The following ROS1 variants were observed in gnomAD, a reference collection of about 807,000 sequenced individuals.
ROS1 encodes the protein ROS proto-oncogene 1, receptor tyrosine kinase, also known as proto-oncogene tyrosine-protein kinase ROS.
Under a neutral mutation model 273.5 loss-of-function variants are expected in ROS1, and 263 were observed. The observed-to-expected ratio is 0.96, with a 90% CI of 0.87 to 1.06. The LOEUF is 1.06. Among genes scored for constraint, ROS1 ranks in the 50% least tolerant of loss-of-function variants. The probability of loss-of-function intolerance (pLI) is 0.00; values close to 1 mark genes in which losing one functional copy is unlikely to be tolerated. For missense variants in ROS1, 2,833 were observed against 2,751.1 expected, an observed-to-expected ratio of 1.03 and a Z score of -0.67; for synonymous variants, 1,008 against 954.1, an observed-to-expected ratio of 1.06 and a Z score of -1.04.
At chr6:117,310,604 C>A (rs927339164) in intron 40 of ROS1, among the ~76,000 whole-genome samples, 6 of 152,060 alleles carry the variant, frequency 3.9e-5, no homozygotes, top group African/African-American at 9.7e-5. Context: ...CATGTGTTCT[C>A]ATTGTTCAAC....
intron 18 of ROS1, among the ~76,000 whole-genome samples, chr6:117,369,349 G>A (rs1324906440): frequency 2.0e-5 from 3 of 152,102 alleles, no homozygotes; most frequent in Non-Finnish European, 4.4e-5. Context: ...GATGCTCGAG[G>A]AGCTAGACTC....
chr6:117,398,248 C>T (rs1259984355), intron 7 of ROS1, among the ~76,000 whole-genome samples: 2 of 151,458 alleles, frequency 1.3e-5, no homozygotes, highest in African/African-American at 2.4e-5. Flanking sequence ...TGGCAAGATG[C>T]GATCATTGTC....
chr6:117,300,216 G>T (rs1381084171), intron 43 of ROS1, among the ~76,000 whole-genome samples: 1 of 149,144 alleles, frequency 6.7e-6, no homozygotes, highest in African/African-American at 2.5e-5. Flanking sequence ...CTCCCAAACT[G>T]CTGGGATTAC....
chr6:117,379,223 G>A (rs1771914846), intron 17 of ROS1, 64 bp from the exon 18 acceptor site: 2 of 947,426 alleles, frequency 2.1e-6, no homozygotes, highest in Non-Finnish European at 3.4e-6. Context: ...TTTGTGAACA[G>A]GTCACACTTA....
chr6:117,317,990 T>C (rs499199), intron 38 of ROS1, among the ~76,000 whole-genome samples, 198 bp downstream of exon 38: 14,414 of 152,192 alleles, frequency 0.095, 874 homozygotes, highest in Middle Eastern at 0.14. Context: ...GAACCTTTTG[T>C]CTGAGGATTG....
At chr6:117,305,766 G>A (rs1775052769) in intron 42 of ROS1, among the ~76,000 whole-genome samples, 1 of 152,074 alleles carries the variant, frequency 6.6e-6, no homozygotes, top group Non-Finnish European at 1.5e-5. Flanking sequence ...CTATAGTCTT[G>A]GCATGGAGGA....
At chr6:117,324,235 A>G (rs2128574493) in intron 35 of ROS1, 97 bp downstream of exon 35, 1 of 681,880 alleles carries the variant, frequency 1.5e-6, no homozygotes, top group South Asian at 1.7e-5. Flanking sequence ...ATCAGGCAAT[A>G]TTTCATGTGG....
At chr6:117,347,400 A>T (rs73566821) in intron 27 of ROS1, among the ~76,000 whole-genome samples, 16,645 of 152,048 alleles carry the variant, frequency 0.11, 956 homozygotes, top group Middle Eastern at 0.15. Context: ...GATTGAGTTT[A>T]GTATATTAAC....
chr6:117,379,168 AAAGT>A lies in ROS1; in HGVS notation c.2482-13_2482-10del, dbSNP rs1562337612. The stretch of plus-strand genomic sequence containing the variant: ...AAAGTTAGAGCAATTACCTAAGTAG[AAAGT>A]AAGGTAAGAAAATAAACCAAATACA... On this transcript the variant is annotated splice_polypyrimidine_tract_variant and intron_variant, in intron 17 of 43. Coordinates refer to ENST00000368507, the MANE Select transcript of ROS1 (RefSeq NM_001378902.1). The A allele has an allele frequency of 6.4e-7, 1 of 1,553,202 alleles. No homozygotes were observed. Among genetic ancestry groups the A allele is most frequent in the Non-Finnish European group, 8.9e-7 (1 of 1,125,710 alleles).
intron 5 of ROS1, among the ~76,000 whole-genome samples, chr6:117,409,251 C>G (rs12179788): frequency 6.6e-6 from 1 of 151,318 alleles, no homozygotes; most frequent in African/African-American, 2.4e-5. Flanking sequence ...AGAAAAAAAA[C>G]TGGCATTCTC....
At chr6:117,327,057 T>C (rs1025810770) in intron 33 of ROS1, among the ~76,000 whole-genome samples, 3 of 152,206 alleles carry the variant, frequency 2.0e-5, no homozygotes, top group Non-Finnish European at 4.4e-5. Flanking sequence ...GGTCTTCCAT[T>C]ATGTCTTCTC....
Position 117,397,015 on chromosome 6 carries a change from C to A in ROS1, c.706G>T (p.Gly236Cys). Residue 236 changes from glycine to cysteine, a missense_variant, in exon 8 of 44, where the codon GGT (glycine) becomes TGT (cysteine). By Grantham distance (159) the Gly-to-Cys change is radical. Coordinates refer to ENST00000368507, the MANE Select transcript of ROS1 (RefSeq NM_001378902.1). ...TTGCTGATCAGCCTTAAGTTATAAC[C>A]CAAAATAGGTCCACCTGGGAATTGA... ...PPQFPGGPIL[G>C]YNLRLISKNQ... The A allele has an allele frequency of 6.2e-7, 1 of 1,613,758 alleles. No individual in the cohort carries two copies. Among genetic ancestry groups the A allele is most frequent in the East Asian group, 2.2e-5 (1 of 44,878 alleles).
rs541492356 is a variant in ROS1, at chr6:117,308,859, A to G, written c.6486T>C (p.Leu2162=). 1 of 1,613,490 alleles carries G rather than the reference A, an allele frequency of 6.2e-7. No homozygotes were observed. The highest frequency in any genetic ancestry group is 1.3e-5 in the African/African-American group (1 of 75,012). The change falls in exon 42 of 44, where the codon CTT becomes CTC. Residue 2162 remains leucine, a synonymous_variant. Transcript: ENST00000368507. ...GHQPYPAHSN[L]DVLNYVQTGG... ...CTGTTTGCACATAGTTTAACACATC[A>G]AGGTTGGAATGAGCTGGATAAGGCT...
intron 43 of ROS1, among the ~76,000 whole-genome samples, chr6:117,291,102 T>A (rs1773805264): frequency 6.6e-6 from 1 of 152,218 alleles, no homozygotes; most frequent in Admixed American, 6.5e-5. Flanking sequence ...TCTTGCTCAG[T>A]CACAAACTCA....
chr6:117,332,248 A>C (rs1439309446), intron 32 of ROS1, among the ~76,000 whole-genome samples: 1 of 152,188 alleles, frequency 6.6e-6, no homozygotes, highest in East Asian at 1.9e-4. Context: ...TAGACAAAGA[A>C]GGGCATTATA....
Position 117,383,493 on chromosome 6 carries a change from C to T in ROS1, c.2305G>A (p.Val769Met), listed in dbSNP as rs2128693078. The T allele has an allele frequency of 6.2e-7, 1 of 1,613,878 alleles. No homozygotes were observed. Residue 769 changes from valine to methionine, a missense_variant, in exon 17 of 44, where the codon GTG becomes ATG. Transcript: ENST00000368507. ...ACAATGTCTGTGTGTCCCGTCAACA[C>T]AGACTGCCTTTGTATCTAAAAAACA... ...GKTYVIQRQS[V>M]LTGHTDIVTH... is the part of the protein sequence containing the mutation.
intron 18 of ROS1, among the ~76,000 whole-genome samples, chr6:117,369,210 C>T (rs1780530602): frequency 6.6e-6 from 1 of 152,282 alleles, no homozygotes; most frequent in South Asian, 2.1e-4. Flanking sequence ...AGTACCTGCC[C>T]TTTGTTATCT....
chr6:117,364,495 C>A (rs1046328971), intron 21 of ROS1, among the ~76,000 whole-genome samples: 1 of 152,144 alleles, frequency 6.6e-6, no homozygotes, highest in South Asian at 2.1e-4. Flanking sequence ...TTCCTACCCA[C>A]CTCAGAGCTC....
intron 33 of ROS1, chr6:117,328,601 T>G: frequency 2.3e-6 from 1 of 444,274 alleles, no homozygotes; most frequent in Non-Finnish European, 4.4e-6. Context: ...TTGCCAGGAC[T>G]ATAATTATGG....
Sources: allele counts gnomAD v4.1 joint callset (sites outside exome capture counted in the v4.1 genomes callset), GRCh38; gene constraint gnomAD v4.1.1; transcripts MANE v1.5; gene names NCBI Gene and HGNC (gene_info 2026-07-23, HGNC 2026-07-21).